The following SGK3 variants were observed in gnomAD, a reference collection of about 807,000 sequenced individuals.
SGK3 encodes the protein serine/threonine-protein kinase Sgk3.
In SGK3, 47 loss-of-function variants were observed where a neutral mutation model predicts 68.5. The ratio of observed to expected loss-of-function variants is 0.69; its 90% CI spans 0.54 to 0.87. SGK3 has a LOEUF of 0.87. Among genes scored for constraint, SGK3 ranks in the 40% least tolerant of loss-of-function variants. The pLI, the probability that SGK3 is intolerant of heterozygous loss-of-function variation, is 0.00. For synonymous variants in SGK3, 181 were observed against 189.1 expected, an observed-to-expected ratio of 0.96 and a Z score of 0.35; for missense variants, 479 against 575.5, an observed-to-expected ratio of 0.83 and a Z score of 1.72.
In SGK3 at chr8:66,835,748, G is replaced by A. The variant is rs368273482; in HGVS notation, c.526-15G>A. On this transcript the variant is annotated splice_polypyrimidine_tract_variant and intron_variant, in intron 8 of 16. Coordinates refer to ENST00000521198, the MANE Select transcript of SGK3 (RefSeq NM_001033578.3). The stretch of plus-strand genomic sequence containing the variant: ...GAAATTTCTAATAGTATACACTAAT[G>A]TTTAACTATAACAGGTTCTTCTTGC... 8.6e-5 allele frequency: 138 copies of A among 1,607,110 alleles called. No homozygotes were observed. The highest frequency in any genetic ancestry group is 1.1e-4 in the Non-Finnish European group (128 of 1,178,316).
chr8:66,791,073 C>T lies in SGK3; in HGVS notation c.-121-2543C>T, dbSNP rs534361712. On this transcript the variant is annotated intron_variant, in intron 1 of 16. Transcript: ENST00000521198. The stretch of plus-strand genomic sequence containing the variant: ...GGAACCAGCATGGCATGTTGAAGCA[C>T]CTCTTTACTAGCAAAGTCAGGAAGC... Among the ~76,000 whole-genome samples the T allele has an allele frequency of 2.6e-5, 4 of 152,260 alleles. No homozygotes were observed. The East Asian group carries it at 7.7e-4, about 29-fold the overall frequency.
chr8:66,786,681 A>G (rs1291556180), intron 1 of SGK3, among the ~76,000 whole-genome samples: 1 of 152,112 alleles, frequency 6.6e-6, no homozygotes, highest in African/African-American at 2.4e-5. Context: ...TTTATTCCCA[A>G]TATATAATTT....
intron 5 of SGK3, among the ~76,000 whole-genome samples, chr8:66,816,547 TGTTGGTCAG>T (rs1460628381): frequency 6.6e-6 from 1 of 152,046 alleles, no homozygotes. Flanking sequence ...GATTTCACCA[TGTTGGTCAG>T]GTTGGTCTCA....
At chr8:66,755,667 T>C (rs1043867540) in intron 1 of SGK3, among the ~76,000 whole-genome samples, 2 of 152,152 alleles carry the variant, frequency 1.3e-5, no homozygotes, top group African/African-American at 4.8e-5. Context: ...GTGACCCCAG[T>C]ATGTCAGGCA....
At position 66,810,152 on chromosome 8, in the gene SGK3, T is replaced by C. The variant is rs191082553; in HGVS notation, c.254-3701T>C. Among the ~76,000 whole-genome samples the C allele has an allele frequency of 5.4e-3, 825 of 152,184 alleles. 12 individuals are homozygous for C. Among genetic ancestry groups the C allele is most frequent in the African/African-American group, 0.018 (746 of 41,508 alleles). On this transcript the variant is annotated intron_variant, in intron 4 of 16. Transcript: ENST00000521198. ...AGAATTTATAGACATTATGAGATAG[T>C]GATTTCATGGCTTTACTGTTTTTTT...
intron 1 of SGK3, among the ~76,000 whole-genome samples, chr8:66,775,811 G>T (rs994566778): frequency 1.3e-5 from 2 of 151,512 alleles, no homozygotes; most frequent in Non-Finnish European, 2.9e-5. Flanking sequence ...GGTTACGTAG[G>T]GAGTGTATCT....
chr8:66,764,789 C>T (rs1282297379), intron 1 of SGK3, among the ~76,000 whole-genome samples: 1 of 152,136 alleles, frequency 6.6e-6, no homozygotes, highest in Non-Finnish European at 1.5e-5. Flanking sequence ...ATAAACCAGA[C>T]ACCAGAGGTA....
chr8:66,723,478 C>G (rs984317703), intron 1 of SGK3, among the ~76,000 whole-genome samples: 2 of 151,894 alleles, frequency 1.3e-5, no homozygotes, highest in Admixed American at 1.3e-4. Flanking sequence ...AGGTCTTCCT[C>G]TGTCACGTAA....
chr8:66,752,281 G>C lies in SGK3; in HGVS notation c.-122+39448G>C, dbSNP rs1054545602. Among the ~76,000 whole-genome samples, 5 of 152,206 alleles carry C rather than the reference G, an allele frequency of 3.3e-5. No individual in the cohort carries two copies. In the East Asian group the frequency reaches 7.7e-4, roughly 24 times the overall value. ...AAACTTACTGTATGTGTAGTATGGT[G>C]ACCAACCACCCTTGACTGCGGTAGT... On this transcript the variant is annotated intron_variant, in intron 1 of 16. Coordinates refer to ENST00000521198, the MANE Select transcript of SGK3 (RefSeq NM_001033578.3).
intron 1 of SGK3, among the ~76,000 whole-genome samples, chr8:66,758,482 T>G (rs1032285966): frequency 1.3e-5 from 2 of 152,214 alleles, no homozygotes; most frequent in Non-Finnish European, 2.9e-5. Flanking sequence ...CACTGAATCT[T>G]TAAACCTGTT....
At chr8:66,758,546 CT>C (rs1220703663) in intron 1 of SGK3, among the ~76,000 whole-genome samples, 1 of 151,858 alleles carries the variant, frequency 6.6e-6, no homozygotes, top group African/African-American at 2.4e-5. Context: ...CTCTCTATAT[CT>C]ATATATAGAT....
intron 1 of SGK3, among the ~76,000 whole-genome samples, chr8:66,782,101 C>T (rs1807010331): frequency 6.6e-6 from 1 of 152,124 alleles, no homozygotes; most frequent in Non-Finnish European, 1.5e-5. Flanking sequence ...TCCTGAGAGG[C>T]AGAAATAAAC....
chr8:66,822,003 A>T (rs1808853207), intron 5 of SGK3, among the ~76,000 whole-genome samples: 1 of 142,758 alleles, frequency 7.0e-6, no homozygotes, highest in African/African-American at 2.6e-5. Context: ...TTTTTTTACC[A>T]ACTTTTGGTA....
chr8:66,818,105 T>A (rs1341736951), intron 5 of SGK3, among the ~76,000 whole-genome samples: 1 of 152,042 alleles, frequency 6.6e-6, no homozygotes, highest in Non-Finnish European at 1.5e-5. Context: ...GGTGGCAGAG[T>A]GAGACCCATC....
intron 1 of SGK3, among the ~76,000 whole-genome samples, chr8:66,720,197 C>T (rs1471770925): frequency 1.3e-5 from 2 of 152,064 alleles, no homozygotes; most frequent in Admixed American, 6.5e-5. Context: ...CGTCAATATT[C>T]GTATTATAAG....
intron 13 of SGK3, among the ~76,000 whole-genome samples, chr8:66,843,111 T>A (rs1377714588): frequency 1.3e-5 from 2 of 152,146 alleles, no homozygotes; most frequent in African/African-American, 4.8e-5. Flanking sequence ...ACATGAATAA[T>A]GACCAAATGA....
intron 1 of SGK3, among the ~76,000 whole-genome samples, chr8:66,728,327 C>CTT (rs200974011): frequency 2.8e-5 from 4 of 141,706 alleles, no homozygotes; most frequent in African/African-American, 1.0e-4. Context: ...TACTTCATTT[C>CTT]TTTTTTTTTT....
intron 1 of SGK3, among the ~76,000 whole-genome samples, chr8:66,754,127 G>A (rs1404031305): frequency 6.6e-6 from 1 of 152,126 alleles, no homozygotes; most frequent in Non-Finnish European, 1.5e-5. Context: ...ACTCACATAA[G>A]CTTCAGCAGA....
In SGK3 at chr8:66,840,125, T is replaced by G; in HGVS notation, c.854+10T>G. ...TCAAAATAGTATACAGGTACAATTT[T>G]AAAATATACTTGTAAAAATTGTATA... On this transcript the variant is annotated intron_variant, in intron 11 of 16. Coordinates refer to ENST00000521198, the MANE Select transcript of SGK3 (RefSeq NM_001033578.3). 1.9e-6 allele frequency: 3 copies of G among 1,608,460 alleles called. No homozygotes were observed. Among genetic ancestry groups the G allele is most frequent in the Non-Finnish European group, 2.5e-6 (3 of 1,178,090 alleles).
Sources: allele counts gnomAD v4.1 joint callset (sites outside exome capture counted in the v4.1 genomes callset), GRCh38; gene constraint gnomAD v4.1.1; transcripts MANE v1.5; gene names NCBI Gene and HGNC (gene_info 2026-07-23, HGNC 2026-07-21).